The following FSTL4 variants were observed in gnomAD, a reference collection of about 807,000 sequenced individuals.
FSTL4 encodes follistatin-related protein 4.
In FSTL4, 28 loss-of-function variants were observed where a neutral mutation model predicts 78.2. That is an observed-to-expected ratio of 0.36 (90% CI 0.27 to 0.49). The LOEUF is 0.49. Ranked by LOEUF, FSTL4 falls within the 20% of genes least tolerant of loss-of-function variation. The pLI is 0.98. For synonymous variants in FSTL4, 422 were observed against 440.5 expected (o/e 0.96, Z 0.53); for missense variants, 922 against 1,084.9 (o/e 0.85, Z 2.11).
chr5:133,224,030 T>C, intron 11 of FSTL4, 160 bp downstream of exon 11: 1 of 550,522 alleles, frequency 1.8e-6, no homozygotes. Context: ...ACATTTTAAA[T>C]TTGATTCAAT....
the FSTL4 span, among the ~76,000 whole-genome samples, chr5:133,823,552 A>G: frequency 6.6e-6 from 1 of 152,220 alleles, no homozygotes; most frequent in African/African-American, 2.4e-5. Flanking sequence ...TCAAACACCC[A>G]GCAGGTCTGA....
At chr5:133,564,236 C>A (rs1197819381) in intron 3 of FSTL4, among the ~76,000 whole-genome samples, 3 of 152,166 alleles carry the variant, frequency 2.0e-5, no homozygotes, top group Non-Finnish European at 4.4e-5. Flanking sequence ...TGCCAAAACC[C>A]TATTTCCAAA....
At chr5:133,371,500 T>C (rs1217240284) in intron 4 of FSTL4, among the ~76,000 whole-genome samples, 3 of 152,130 alleles carry the variant, frequency 2.0e-5, no homozygotes, top group Non-Finnish European at 4.4e-5. Flanking sequence ...GACGGACCTG[T>C]CTAGGGTGTG....
intron 3 of FSTL4, among the ~76,000 whole-genome samples, chr5:133,552,795 C>A (rs572120961): frequency 2.3e-4 from 35 of 152,102 alleles, no homozygotes; most frequent in Non-Finnish European, 4.1e-4. Flanking sequence ...GATGATGTGG[C>A]TCAACGAAAG....
intron 6 of FSTL4, among the ~76,000 whole-genome samples, chr5:133,262,498 T>G (rs1299543923): frequency 6.6e-6 from 1 of 152,184 alleles, no homozygotes; most frequent in Non-Finnish European, 1.5e-5. Flanking sequence ...CAGGACCACC[T>G]TCCTAAATGT....
the FSTL4 span, among the ~76,000 whole-genome samples, chr5:133,664,751 T>C: frequency 6.6e-6 from 1 of 152,362 alleles, no homozygotes; most frequent in East Asian, 1.9e-4. Context: ...ACAGTAACTC[T>C]GTCAGGGGTT....
chr5:133,276,526 T>C (rs562679343), intron 6 of FSTL4, among the ~76,000 whole-genome samples: 2 of 152,158 alleles, frequency 1.3e-5, no homozygotes, highest in South Asian at 2.1e-4. Context: ...CTCAAGGCCA[T>C]GGTGGGGGAA....
chr5:133,295,219 C>T (rs1159656581), intron 6 of FSTL4, among the ~76,000 whole-genome samples: 1 of 152,150 alleles, frequency 6.6e-6, no homozygotes, highest in African/African-American at 2.4e-5. Context: ...CGTCTGCACA[C>T]GCACCCACCA....
chr5:133,437,471 T>C (rs1757058125), intron 3 of FSTL4, among the ~76,000 whole-genome samples: 1 of 149,822 alleles, frequency 6.7e-6, no homozygotes, highest in Non-Finnish European at 1.5e-5. Context: ...GTATATAGTA[T>C]ATAGTAAATA....
chr5:133,768,129 C>T, the FSTL4 span, among the ~76,000 whole-genome samples: 1 of 152,098 alleles, frequency 6.6e-6, no homozygotes. Flanking sequence ...TAACTCTTTC[C>T]TACACGAAGG....
At chr5:133,804,166 G>A in the FSTL4 span, among the ~76,000 whole-genome samples, 1 of 152,126 alleles carries the variant, frequency 6.6e-6, no homozygotes, top group Admixed American at 6.6e-5. Context: ...TGCCTGGAAA[G>A]GTTCCTGTTC....
At chr5:133,796,726 G>A in the FSTL4 span, among the ~76,000 whole-genome samples, 2 of 151,952 alleles carry the variant, frequency 1.3e-5, no homozygotes. Flanking sequence ...TGTGGTTCAG[G>A]GCTTATATGG....
intron 3 of FSTL4, among the ~76,000 whole-genome samples, chr5:133,536,921 C>G (rs1026968416): frequency 2.0e-5 from 3 of 152,140 alleles, no homozygotes; most frequent in African/African-American, 7.2e-5. Flanking sequence ...AACAGAGGTG[C>G]TAGAACTTTC....
At chr5:133,449,599 C>T (rs924384443) in intron 3 of FSTL4, among the ~76,000 whole-genome samples, 10 of 152,152 alleles carry the variant, frequency 6.6e-5, no homozygotes, top group Non-Finnish European at 1.5e-4. Context: ...ACTGAAAGGG[C>T]GGATTACAGG....
intron 2 of FSTL4, among the ~76,000 whole-genome samples, chr5:133,582,428 G>C (rs753600034): frequency 2.8e-4 from 42 of 152,304 alleles, no homozygotes; most frequent in Non-Finnish European, 4.3e-4. Flanking sequence ...TCAGTATCTG[G>C]TAGCTGCTGT....
the FSTL4 span, among the ~76,000 whole-genome samples, chr5:133,797,069 T>G: frequency 6.6e-6 from 1 of 152,194 alleles, no homozygotes; most frequent in Non-Finnish European, 1.5e-5. Context: ...TAAAGAGATT[T>G]ATTCTGAGCC....
chr5:133,582,821 C>T (rs1192069003), intron 2 of FSTL4, among the ~76,000 whole-genome samples: 2 of 152,186 alleles, frequency 1.3e-5, no homozygotes, highest in Non-Finnish European at 2.9e-5. Flanking sequence ...CCTCATCTGT[C>T]CTGGGCCCTG....
intron 4 of FSTL4, among the ~76,000 whole-genome samples, chr5:133,370,262 C>T (rs991241200): frequency 4.6e-5 from 7 of 152,168 alleles, no homozygotes; most frequent in Admixed American, 6.5e-5. Context: ...ATGACAAGGT[C>T]GCTTGGAATA....
the FSTL4 span, among the ~76,000 whole-genome samples, chr5:133,823,541 C>T: frequency 2.0e-5 from 3 of 152,194 alleles, no homozygotes; most frequent in Admixed American, 1.3e-4. Context: ...ATGTCAGAGA[C>T]TCAAACACCC....
Sources: allele counts gnomAD v4.1 joint callset (sites outside exome capture counted in the v4.1 genomes callset), GRCh38; gene constraint gnomAD v4.1.1; transcripts MANE v1.5; gene names NCBI Gene and HGNC (gene_info 2026-07-23, HGNC 2026-07-21).